The following ENTREP2 variants were observed in gnomAD, a reference collection of about 807,000 sequenced individuals.
ENTREP2 encodes the protein protein ENTREP2.
At chr15:29,341,276 T>C in the ENTREP2 span, among the ~76,000 whole-genome samples, 36 of 152,362 alleles carry the variant, frequency 2.4e-4, no homozygotes, top group African/African-American at 8.2e-4. Context: ...TGCTCATTCA[T>C]TTGCTTATAC....
At chr15:29,324,127 G>T in the ENTREP2 span, among the ~76,000 whole-genome samples, 3 of 151,828 alleles carry the variant, frequency 2.0e-5, no homozygotes, top group South Asian at 6.3e-4. Flanking sequence ...TTAATACAGG[G>T]TCTCATTCTG....
At chr15:29,589,057 G>A in the ENTREP2 span, among the ~76,000 whole-genome samples, 8 of 152,094 alleles carry the variant, frequency 5.3e-5, no homozygotes, top group East Asian at 1.5e-3. Flanking sequence ...CTACTTGAGT[G>A]ATAAAACCAT....
the ENTREP2 span, among the ~76,000 whole-genome samples, chr15:29,194,908 C>T: frequency 6.6e-6 from 1 of 152,258 alleles, no homozygotes; most frequent in Non-Finnish European, 1.5e-5. Context: ...CCAAATGCAT[C>T]CCCATACTCA....
chr15:29,129,771 T>G, the ENTREP2 span, among the ~76,000 whole-genome samples: 2 of 152,184 alleles, frequency 1.3e-5, no homozygotes, highest in Non-Finnish European at 2.9e-5. Context: ...TGGGCCATGG[T>G]TTCCACCTCA....
At chr15:29,209,997 C>T in the ENTREP2 span, among the ~76,000 whole-genome samples, 1 of 152,160 alleles carries the variant, frequency 6.6e-6, no homozygotes, top group Non-Finnish European at 1.5e-5. Flanking sequence ...TTGTATAATG[C>T]TTTTTACTTT....
the ENTREP2 span, among the ~76,000 whole-genome samples, chr15:29,502,702 T>A: frequency 1.6e-4 from 24 of 151,980 alleles, no homozygotes; most frequent in Admixed American, 1.5e-3. Context: ...CTGATAAAGG[T>A]CTAGTAACCA....
At chr15:29,348,517 G>T in the ENTREP2 span, among the ~76,000 whole-genome samples, 6 of 152,212 alleles carry the variant, frequency 3.9e-5, no homozygotes, top group Non-Finnish European at 7.3e-5. Context: ...GGGAGTGGGA[G>T]GGGTGGTTGC....
the ENTREP2 span, among the ~76,000 whole-genome samples, chr15:29,455,727 G>T: frequency 1.3e-5 from 2 of 152,198 alleles, no homozygotes; most frequent in African/African-American, 4.8e-5. Context: ...GAGGTGAGCA[G>T]TGGGCAAGTG....
At chr15:29,121,522 C>T in the ENTREP2 span, 66 of 152,338 alleles carry the variant, frequency 4.3e-4, 1 homozygote, top group African/African-American at 1.3e-3. Flanking sequence ...GAGGCCAGGG[C>T]GTCAGGCGTG....
chr15:29,161,979 T>C, the ENTREP2 span, among the ~76,000 whole-genome samples: 1 of 151,760 alleles, frequency 6.6e-6, no homozygotes, highest in East Asian at 2.0e-4. Context: ...ACACCCCAAA[T>C]ACTGTGAGTG....
At chr15:29,230,741 C>T in the ENTREP2 span, among the ~76,000 whole-genome samples, 3 of 151,958 alleles carry the variant, frequency 2.0e-5, no homozygotes, top group African/African-American at 7.3e-5. Flanking sequence ...GAAGGTAAGC[C>T]TATTTGGCAA....
the ENTREP2 span, among the ~76,000 whole-genome samples, chr15:29,608,300 CTTCTGTG>C: frequency 2.2e-3 from 336 of 152,246 alleles, 2 homozygotes; most frequent in Middle Eastern, 6.8e-3. Context: ...AGGGCTCCTA[CTTCTGTG>C]TTCAAAAATA....
chr15:29,454,773 A>G, the ENTREP2 span, among the ~76,000 whole-genome samples: 4 of 152,194 alleles, frequency 2.6e-5, no homozygotes, highest in Non-Finnish European at 5.9e-5. Flanking sequence ...GCCAACACTT[A>G]GTGAGATCCT....
the ENTREP2 span, among the ~76,000 whole-genome samples, chr15:29,271,246 C>T: frequency 2.0e-5 from 3 of 152,166 alleles, no homozygotes; most frequent in Admixed American, 6.5e-5. Flanking sequence ...TCAAGGCATT[C>T]ATTTTTTTAC....
At chr15:29,588,541 A>G in the ENTREP2 span, among the ~76,000 whole-genome samples, 4 of 53,230 alleles carry the variant, frequency 7.5e-5, no homozygotes, top group East Asian at 4.8e-3. Context: ...AGGAAGAGAA[A>G]GAAAGAGAGA....
At chr15:29,422,328 G>A in the ENTREP2 span, among the ~76,000 whole-genome samples, 1 of 152,110 alleles carries the variant, frequency 6.6e-6, no homozygotes, top group Non-Finnish European at 1.5e-5. Context: ...CCACTGACTG[G>A]TGCTGAGCAG....
At chr15:29,138,247 G>A in the ENTREP2 span, among the ~76,000 whole-genome samples, 4 of 152,090 alleles carry the variant, frequency 2.6e-5, no homozygotes, top group Non-Finnish European at 5.9e-5. Flanking sequence ...CTTTAATAGT[G>A]AGGTGAAATC....
the ENTREP2 span, among the ~76,000 whole-genome samples, chr15:29,471,089 T>C: frequency 5.1e-4 from 78 of 152,332 alleles, 1 homozygote; most frequent in South Asian, 0.014. Context: ...TGGTTTTTTA[T>C]AGTGCCCCAC....
the ENTREP2 span, among the ~76,000 whole-genome samples, chr15:29,516,108 G>A: frequency 5.5e-4 from 83 of 152,070 alleles, no homozygotes; most frequent in African/African-American, 2.0e-3. Flanking sequence ...TTTTAATGCT[G>A]ATGCCCAAGC....
Sources: allele counts gnomAD v4.1 joint callset (sites outside exome capture counted in the v4.1 genomes callset), GRCh38; gene constraint gnomAD v4.1.1; transcripts MANE v1.5; gene names NCBI Gene and HGNC (gene_info 2026-07-23, HGNC 2026-07-21).